KPNA3: variants seen among roughly 807,000 people sequenced by gnomAD.
KPNA3 encodes the protein importin subunit alpha-4.
Under a neutral mutation model 73.8 loss-of-function variants are expected in KPNA3, and 13 were observed. The observed-to-expected ratio is 0.18, with a 90% CI of 0.11 to 0.28. KPNA3 has a LOEUF of 0.28. Among genes scored for constraint, KPNA3 ranks in the 10% least tolerant of loss-of-function variants. The pLI is 1.00. For synonymous variants in KPNA3, 186 were observed against 206.9 expected (o/e 0.90, Z 0.87); for missense variants, 360 against 618.1 (o/e 0.58, Z 4.43).
chr13:49,705,616 C>CT lies in KPNA3; in HGVS notation c.1372+4dup. ...AATACTCTTCTTCCATCAATCCACT[C>CT]TTACCTCCACATTCCTCTATTATTT... On this transcript the variant is annotated splice_donor_region_variant and intron_variant, in intron 15 of 16. Transcript: ENST00000261667. 1.2e-6 allele frequency: 2 copies of CT among 1,612,948 alleles called. No individual in the cohort carries two copies. Among genetic ancestry groups the CT allele is most frequent in the Non-Finnish European group, 1.7e-6 (2 of 1,179,448 alleles).
intron 6 of KPNA3, 143 bp from the exon 7 acceptor site, chr13:49,725,644 TAC>T: frequency 2.2e-6 from 1 of 460,952 alleles, no homozygotes; most frequent in Non-Finnish European, 3.7e-6. Flanking sequence ...TAGCCAACCC[TAC>T]TTTTTTTTTT....
chr13:49,781,488 A>T (rs998018594), intron 1 of KPNA3, among the ~76,000 whole-genome samples: 2 of 120,304 alleles, frequency 1.7e-5, no homozygotes, highest in Admixed American at 1.8e-4. Context: ...TCTTATAAAC[A>T]CAGTGCCTTA....
intron 9 of KPNA3, 112 bp from the exon 10 acceptor site, chr13:49,719,931 T>A: frequency 3.0e-6 from 2 of 667,066 alleles, no homozygotes; most frequent in Non-Finnish European, 5.1e-6. Context: ...AGAAAGACAA[T>A]GTTAAATTTG....
At chr13:49,711,811 T>C (rs1182432286) in intron 10 of KPNA3, among the ~76,000 whole-genome samples, 1 of 152,096 alleles carries the variant, frequency 6.6e-6, no homozygotes, top group Admixed American at 6.6e-5. Context: ...CCTAAAATAA[T>C]AGCAGGCACC....
chr13:49,758,513 CTGTTATG>C (rs957800900), intron 1 of KPNA3, among the ~76,000 whole-genome samples: 1 of 152,032 alleles, frequency 6.6e-6, no homozygotes, highest in Non-Finnish European at 1.5e-5. Context: ...TATTCTGAGA[CTGTTATG>C]TGTCTATGTG....
intron 1 of KPNA3, among the ~76,000 whole-genome samples, chr13:49,769,646 T>A (rs1032537322): frequency 6.6e-6 from 1 of 152,246 alleles, no homozygotes; most frequent in Non-Finnish European, 1.5e-5. Flanking sequence ...TATTCTACTG[T>A]ATGGACATAC....
intron 5 of KPNA3, 46 bp from the exon 6 acceptor site, chr13:49,732,512 G>A: frequency 6.8e-7 from 1 of 1,471,490 alleles, no homozygotes. Context: ...TTTTCAAACT[G>A]TGAAAAGAAA....
At chr13:49,762,078 C>A (rs553761330) in intron 1 of KPNA3, among the ~76,000 whole-genome samples, 1 of 151,674 alleles carries the variant, frequency 6.6e-6, no homozygotes, top group Non-Finnish European at 1.5e-5. Flanking sequence ...AGCATCTCCG[C>A]CCGGCAGACG....
chr13:49,766,997 ATT>A (rs199591606), intron 1 of KPNA3, among the ~76,000 whole-genome samples: 22 of 118,348 alleles, frequency 1.9e-4, no homozygotes, highest in East Asian at 2.3e-4. Context: ...TCAAGTTAGG[ATT>A]TTTTTTTTTT....
chr13:49,715,085 C>T (rs982186359), intron 10 of KPNA3, among the ~76,000 whole-genome samples: 75 of 151,704 alleles, frequency 4.9e-4, no homozygotes, highest in African/African-American at 1.7e-3. Flanking sequence ...TTTTCAGTGT[C>T]CTTGATAGAA....
chr13:49,786,103 C>T (rs1463609622), intron 1 of KPNA3, among the ~76,000 whole-genome samples: 1 of 152,136 alleles, frequency 6.6e-6, no homozygotes. Flanking sequence ...TACAGAAATA[C>T]ATTATAGGAG....
intron 2 of KPNA3, among the ~76,000 whole-genome samples, chr13:49,739,633 G>C (rs1193580939): frequency 2.6e-5 from 4 of 152,018 alleles, no homozygotes; most frequent in Admixed American, 2.0e-4. Flanking sequence ...CAATTTTGAC[G>C]GATCAGTATC....
At chr13:49,721,270 A>AT (rs1954354683) in intron 9 of KPNA3, among the ~76,000 whole-genome samples, 1 of 152,196 alleles carries the variant, frequency 6.6e-6, no homozygotes, top group Admixed American at 6.5e-5. Flanking sequence ...AACTCATTCA[A>AT]GAACATTTGC....
chr13:49,758,231 A>T (rs1292369024), intron 1 of KPNA3, among the ~76,000 whole-genome samples: 1 of 152,230 alleles, frequency 6.6e-6, no homozygotes, highest in Non-Finnish European at 1.5e-5. Context: ...TATATAGGTG[A>T]TGACAAGGAA....
chr13:49,756,729 A>G (rs966001600), intron 1 of KPNA3, among the ~76,000 whole-genome samples: 2 of 152,230 alleles, frequency 1.3e-5, no homozygotes, highest in African/African-American at 4.8e-5. Context: ...TTATACGGAA[A>G]GGCAAAGTAA....
intron 1 of KPNA3, among the ~76,000 whole-genome samples, chr13:49,769,864 A>G (rs1436586961): frequency 2.0e-5 from 3 of 152,200 alleles, no homozygotes; most frequent in Non-Finnish European, 4.4e-5. Context: ...TCCTACCAGA[A>G]GCGTATTAGA....
intron 2 of KPNA3, among the ~76,000 whole-genome samples, chr13:49,733,758 G>A (rs1011992364): frequency 6.6e-6 from 1 of 152,182 alleles, no homozygotes; most frequent in Non-Finnish European, 1.5e-5. Context: ...TCAGGGACAG[G>A]TTCTCTTTTG....
chr13:49,758,888 C>G (rs1954734994), intron 1 of KPNA3, among the ~76,000 whole-genome samples: 1 of 152,096 alleles, frequency 6.6e-6, no homozygotes, highest in African/African-American at 2.4e-5. Flanking sequence ...TCAGTGAGTG[C>G]ATAGACAATA....
intron 2 of KPNA3, among the ~76,000 whole-genome samples, chr13:49,745,999 G>A (rs1954613336): frequency 6.6e-6 from 1 of 150,504 alleles, no homozygotes; most frequent in Admixed American, 6.6e-5. Context: ...GGAGGCGGAG[G>A]TTGCAGTGAG....
Sources: allele counts gnomAD v4.1 joint callset (sites outside exome capture counted in the v4.1 genomes callset), GRCh38; gene constraint gnomAD v4.1.1; transcripts MANE v1.5; gene names NCBI Gene and HGNC (gene_info 2026-07-23, HGNC 2026-07-21).